The following ARHGAP4 variants were observed in gnomAD, a reference collection of about 807,000 sequenced individuals.
ARHGAP4 encodes the protein Rho GTPase activating protein 4.
A neutral mutation model predicts 67.6 loss-of-function variants in ARHGAP4; 25 were observed. That is an observed-to-expected ratio of 0.37 (90% CI 0.27 to 0.52). The LOEUF (loss-of-function observed/expected upper bound fraction) is 0.52. ARHGAP4 is among the 20% of genes least tolerant of loss of function. ARHGAP4 has a pLI of 0.92. For synonymous variants in ARHGAP4, 448 were observed against 373.7 expected, an observed-to-expected ratio of 1.20 and a Z score of -2.29; for missense variants, 804 against 854.6, an observed-to-expected ratio of 0.94 and a Z score of 0.74.
intron 7 of ARHGAP4, 113 bp downstream of exon 7, chrX:153,918,719 C>T: frequency 1.2e-6 from 1 of 850,993 alleles, no homozygotes; most frequent in East Asian, 3.1e-5. Flanking sequence ...GCCGCACTGC[C>T]TGAGACCATG....
chrX:153,913,921 G>C (rs782583185), intron 7 of ARHGAP4, 42 bp from the exon 8 acceptor site: 8 of 1,138,752 alleles, frequency 7.0e-6, no homozygotes, highest in Non-Finnish European at 8.4e-6. Context: ...CTGGGCTTGG[G>C]CAGTAGGTGC....
chrX:153,913,502 G>C lies in ARHGAP4; in HGVS notation c.1233C>G (p.Thr411=). The change falls in exon 9 of 22, where the codon ACC becomes ACG. Residue 411 remains threonine (T), a synonymous_variant. Coordinates refer to ENST00000350060, the MANE Select transcript of ARHGAP4 (RefSeq NM_001666.5). ...CTGAGCTGGTGGACTTGAGGGACTC[G>C]GTGGAGGGGCTGGTCTGGAAGGAAT... ...VLDSFQTSPS[T]ESLKSTSSDP... The C allele has an allele frequency of 8.3e-7, 1 of 1,212,025 alleles. No individual in the cohort carries two copies.
In ARHGAP4 at chrX:153,907,861, C is replaced by A; in HGVS notation, c.2709G>T (p.Gly903=). ...TGGGCGGGGCCTTTGGGCTTCGGGG[C>A]CCAGGACTGGGAGAGGTGGTAGATG... is the stretch of plus-strand genomic sequence containing the variant. ...GPASTTSPSP[G]PRSPKAPPSS... Residue 903 remains glycine (G), a synonymous_variant, in exon 22 of 22, where the codon GGG becomes GGT. Transcript: ENST00000350060. 1 of 1,027,036 alleles carries A rather than the reference C, an allele frequency of 9.7e-7. No individual in the cohort carries two copies. Among genetic ancestry groups the A allele is most frequent in the South Asian group, 3.6e-5 (1 of 27,670 alleles). 84.6% of individuals were successfully genotyped at this position (1,027,036 alleles called of 1,213,427 possible). A position where few individuals can be genotyped will look rare whatever the true frequency, so the allele number is the denominator to read the frequency against.
Position 153,913,017 on chromosome X carries a change from G to T in ARHGAP4, c.1439+7C>A. The T allele has an allele frequency of 8.4e-7, 1 of 1,195,712 alleles. No homozygotes were observed. Among genetic ancestry groups the T allele is most frequent in the Admixed American group, 2.3e-5 (1 of 43,900 alleles). ...TCGCAGGGCCCCAGCCCTCAGGGAGGACTCACCAAGACACCTCCTGCTCCT... is the reference window on the plus strand; with the variant it reads ...TCGCAGGGCCCCAGCCCTCAGGGAGTACTCACCAAGACACCTCCTGCTCCT... On this transcript the variant is annotated splice_region_variant and intron_variant, in intron 11 of 21. Coordinates refer to ENST00000350060, the MANE Select transcript of ARHGAP4 (RefSeq NM_001666.5).
At chrX:153,910,660 G>A (rs781791559) in intron 15 of ARHGAP4, 40 bp downstream of exon 15, 1 of 1,182,583 alleles carries the variant, frequency 8.5e-7, no homozygotes, top group Non-Finnish European at 1.1e-6. Context: ...GGCTGCCCCA[G>A]CAAGTGCCCT....
intron 18 of ARHGAP4, 33 bp downstream of exon 18, chrX:153,909,979 G>A (rs782695939): frequency 8.3e-7 from 1 of 1,201,718 alleles, no homozygotes; most frequent in African/African-American, 1.7e-5. Flanking sequence ...CTAGGGTGGG[G>A]ACAGGGTGGG....
At position 153,913,849 on chromosome X, in the gene ARHGAP4, G is replaced by A. The variant is rs1557103864; in HGVS notation, c.1063C>T (p.Arg355Trp). 1.7e-6 allele frequency: 2 copies of A among 1,212,009 alleles called. No homozygotes were observed. Among genetic ancestry groups the A allele is most frequent in the South Asian group, 1.8e-5 (1 of 56,987 alleles). ...TGGGCTCTGGGCAGAATCTCGTCCC[G>A]CAGCTCCATTTCAACGCAGATCTCA... is the stretch of plus-strand genomic sequence containing the variant. ...VAEICVEMEL[R>W]DEILPRAQNI... Residue 355 changes from arginine to tryptophan, a missense_variant, in exon 8 of 22, where the codon CGG becomes TGG. Physicochemically the swap from Arg to Trp is moderately radical, Grantham distance 101. Coordinates refer to ENST00000350060, the MANE Select transcript of ARHGAP4 (RefSeq NM_001666.5).
chrX:153,911,163 C>A lies in ARHGAP4; in HGVS notation c.1569G>T (p.Val523=), dbSNP rs2070098. 1.7e-6 allele frequency: 2 copies of A among 1,167,733 alleles called. No homozygotes were observed. The highest frequency in any genetic ancestry group is 5.1e-5 in the Admixed American group (2 of 39,224). ...TGATGAAGCGAATGCAGCTCTCCACCACCAGGGGCACAGGCTGGCCTGAGC... is the reference window on the plus strand; with the variant it reads ...TGATGAAGCGAATGCAGCTCTCCACAACCAGGGGCACAGGCTGGCCTGAGC... ...IQSSGQPVPL[V]VESCIRFINL... Residue 523 remains valine (V), a synonymous_variant, in exon 13 of 22, where the codon GTG becomes GTT. Transcript: ENST00000350060.
intron 1 of ARHGAP4, among the ~76,000 whole-genome samples, chrX:153,925,925 G>A (rs782212887): frequency 8.8e-6 from 1 of 113,059 alleles, no homozygotes; most frequent in Non-Finnish European, 1.9e-5. Flanking sequence ...AAGGAAGGAA[G>A]ACAGGAAAGA....
chrX:153,913,926 A>C, intron 7 of ARHGAP4, 47 bp from the exon 8 acceptor site: 1 of 1,122,305 alleles, frequency 8.9e-7, no homozygotes, highest in East Asian at 3.0e-5. Context: ...CTTGGGCAGT[A>C]GGTGCCAAGA....
chrX:153,917,915 A>G (rs1475087840), intron 7 of ARHGAP4, among the ~76,000 whole-genome samples: 1 of 112,251 alleles, frequency 8.9e-6, no homozygotes, highest in Non-Finnish European at 1.9e-5. Context: ...AGCACTCCAG[A>G]CTGGAAGGCT....
chrX:153,908,126 C>T (rs927566562), intron 21 of ARHGAP4, among the ~76,000 whole-genome samples, 164 bp from the exon 22 acceptor site: 4 of 112,269 alleles, frequency 3.6e-5, no homozygotes, highest in African/African-American at 1.3e-4. Context: ...GGCATCCCTC[C>T]TGTCCCTGTT....
At chrX:153,911,926 A>AG (rs1283190159) in intron 12 of ARHGAP4, among the ~76,000 whole-genome samples, 15 of 82,566 alleles carry the variant, frequency 1.8e-4, no homozygotes, top group African/African-American at 7.6e-4. Context: ...TAAAAAAAAA[A>AG]AAAAAAAGAA....
Position 153,907,829 on chromosome X carries a change from C to T in ARHGAP4, c.2741G>A (p.Arg914His), listed in dbSNP as rs34514067. The change falls in exon 22 of 22, where the codon CGC becomes CAC. Residue 914 changes from arginine (R) to histidine (H), a missense_variant. This residue lies in a region of ARHGAP4 where 400 missense variants were observed against 348.7 expected (regional missense o/e 1.15). Coordinates refer to ENST00000350060, the MANE Select transcript of ARHGAP4 (RefSeq NM_001666.5). ...PRSPKAPPSS[R>H]LGRNKGFSRG... is the part of the protein sequence containing the mutation. ...GGAGAAGCCTTTGTTCCTGCCCAGG[C>T]GGCTGCTGGGCGGGGCCTTTGGGCT... 220 of 1,011,004 alleles carry T rather than the reference C, an allele frequency of 2.2e-4. No homozygotes were observed. The East Asian group carries it at 4.8e-3, about 22-fold the overall frequency. 83.3% of individuals were successfully genotyped at this position (1,011,004 alleles called of 1,213,427 possible). A position where few individuals can be genotyped will look rare whatever the true frequency, so the allele number is the denominator to read the frequency against.
chrX:153,910,889 G>GCCCCCC, intron 14 of ARHGAP4, 33 bp downstream of exon 14: 34 of 1,147,416 alleles, frequency 3.0e-5, no homozygotes, highest in Non-Finnish European at 3.5e-5. Flanking sequence ...ATCTGCCCGA[G>GCCCCCC]CCCCCACCCC....
At chrX:153,923,815 T>C (rs1308611014) in intron 1 of ARHGAP4, among the ~76,000 whole-genome samples, 1 of 112,405 alleles carries the variant, frequency 8.9e-6, no homozygotes, top group East Asian at 2.8e-4. Context: ...ACGGAGGATG[T>C]TGCCCAGGCT....
chrX:153,924,879 G>A (rs1457266872), intron 1 of ARHGAP4, among the ~76,000 whole-genome samples: 2 of 112,090 alleles, frequency 1.8e-5, no homozygotes, highest in Non-Finnish European at 3.8e-5. Flanking sequence ...CAAAACCACC[G>A]CTATGCTGAC....
In ARHGAP4 at chrX:153,913,837, G is replaced by T. The variant is rs1027108234; in HGVS notation, c.1075C>A (p.Leu359Met). The T allele has an allele frequency of 1.6e-6, 2 of 1,212,333 alleles. No homozygotes were observed. Among genetic ancestry groups the T allele is most frequent in the Non-Finnish European group, 2.2e-6 (2 of 895,642 alleles). ...CVEMELRDEILPRAQNIQSRL... is the reference protein window; with the variant it reads ...CVEMELRDEIMPRAQNIQSRL... ...CTCTGGATGTTCTGGGCTCTGGGCA[G>T]AATCTCGTCCCGCAGCTCCATTTCA... The change falls in exon 8 of 22, where the codon CTG (leucine) becomes ATG (methionine). Residue 359 changes from leucine to methionine, a missense_variant. By Grantham distance (15) the Leu-to-Met change is conservative. Around this residue, in one of 2 missense-constraint regions of ARHGAP4, gnomAD observed 404 missense variants for 505.9 expected, o/e 0.80. Transcript: ENST00000350060.
chrX:153,920,605 T>G, intron 5 of ARHGAP4, 21 bp downstream of exon 5: 1 of 1,184,937 alleles, frequency 8.4e-7, no homozygotes, highest in East Asian at 3.0e-5. Context: ...GGCCTGCGTC[T>G]GAGGTGCCCT....
Sources: allele counts gnomAD v4.1 joint callset (sites outside exome capture counted in the v4.1 genomes callset), GRCh38; gene constraint gnomAD v4.1.1; regional missense constraint gnomAD v4.1.1; transcripts MANE v1.5; gene names NCBI Gene and HGNC (gene_info 2026-07-23, HGNC 2026-07-21).